The following PTPRM variants were observed in gnomAD, a reference collection of about 807,000 sequenced individuals.
PTPRM encodes the protein protein tyrosine phosphatase receptor type M.
A neutral mutation model predicts 186.7 loss-of-function variants in PTPRM; 47 were observed. The ratio of observed to expected loss-of-function variants is 0.25; its 90% CI spans 0.20 to 0.32. PTPRM has a LOEUF of 0.32. Among genes scored for constraint, PTPRM ranks in the 10% least tolerant of loss-of-function variants. PTPRM has a pLI of 1.00. For synonymous variants in PTPRM, 668 were observed against 674.9 expected (o/e 0.99, Z 0.16); for missense variants, 1,494 against 1,865.0 (o/e 0.80, Z 3.66).
At chr18:8,143,396 T>C (rs1177927261) in intron 13 of PTPRM, among the ~76,000 whole-genome samples, 1 of 151,524 alleles carries the variant, frequency 6.6e-6, no homozygotes, top group East Asian at 1.9e-4. Flanking sequence ...TTGAGAAGAG[T>C]CTCATAGAAA....
At chr18:8,194,372 C>T (rs887224216) in intron 14 of PTPRM, among the ~76,000 whole-genome samples, 2 of 152,046 alleles carry the variant, frequency 1.3e-5, no homozygotes, top group African/African-American at 2.4e-5. Context: ...AAATCATGGC[C>T]GAGGTGTTCA....
intron 1 of PTPRM, among the ~76,000 whole-genome samples, chr18:7,699,025 G>A (rs566576123): frequency 3.3e-4 from 51 of 152,308 alleles, no homozygotes; most frequent in African/African-American, 1.2e-3. Flanking sequence ...GACGTGAGTG[G>A]CAGGCCAGGG....
chr18:7,693,014 G>A (rs1391682820), intron 1 of PTPRM, among the ~76,000 whole-genome samples: 1 of 152,188 alleles, frequency 6.6e-6, no homozygotes, highest in Non-Finnish European at 1.5e-5. Flanking sequence ...CAGGGGCACT[G>A]AATTTCACAT....
chr18:7,651,212 C>T (rs1012000905), intron 1 of PTPRM, among the ~76,000 whole-genome samples: 27 of 152,022 alleles, frequency 1.8e-4, no homozygotes, highest in Non-Finnish European at 3.4e-4. Flanking sequence ...TGTTAGCCAC[C>T]GCGCCTGACC....
At chr18:7,670,092 A>T (rs2039186109) in intron 1 of PTPRM, among the ~76,000 whole-genome samples, 1 of 152,212 alleles carries the variant, frequency 6.6e-6, no homozygotes, top group South Asian at 2.1e-4. Context: ...TTAAAAAAGT[A>T]AAGTTTAAAT....
At chr18:7,901,111 A>G (rs17474750) in intron 3 of PTPRM, among the ~76,000 whole-genome samples, 3,208 of 152,184 alleles carry the variant, frequency 0.021, 51 homozygotes, top group Middle Eastern at 0.044. Context: ...TATGATTCCC[A>G]CTGGGTTCTG....
intron 1 of PTPRM, among the ~76,000 whole-genome samples, chr18:7,645,881 A>G (rs746547847): frequency 6.6e-6 from 1 of 152,204 alleles, no homozygotes; most frequent in Non-Finnish European, 1.5e-5. Context: ...TTTGAGAGAC[A>G]GTAGCCAGGG....
intron 23 of PTPRM, among the ~76,000 whole-genome samples, chr18:8,358,249 G>GCA (rs144869213): frequency 0.084 from 12,421 of 147,196 alleles, 1,325 homozygotes; most frequent in African/African-American, 0.26. Context: ...CACATGACAC[G>GCA]CACACACACA....
At chr18:7,732,189 A>T (rs568889125) in intron 1 of PTPRM, among the ~76,000 whole-genome samples, 1 of 152,146 alleles carries the variant, frequency 6.6e-6, no homozygotes, top group Admixed American at 6.5e-5. Context: ...TAATGTGGCA[A>T]TGAAGGTTCA....
chr18:8,362,854 G>GA (rs898085094), intron 23 of PTPRM, among the ~76,000 whole-genome samples: 4 of 152,198 alleles, frequency 2.6e-5, no homozygotes, highest in African/African-American at 4.8e-5. Flanking sequence ...TTACAGATGG[G>GA]AAAATGGAGC....
At chr18:7,966,640 C>T (rs929825673) in intron 7 of PTPRM, among the ~76,000 whole-genome samples, 6 of 148,482 alleles carry the variant, frequency 4.0e-5, no homozygotes, top group African/African-American at 9.8e-5. Context: ...ATTGCCTCAC[C>T]TGGGAAGCGC....
Position 7,824,445 on chromosome 18 carries a change from G to T in PTPRM, c.196+50174G>T, listed in dbSNP as rs547501366. On this transcript the variant is annotated intron_variant, in intron 2 of 32. Transcript: ENST00000580170. ...GATTTTCCTGTGTGTGTGTGTGTGT[G>T]TTTTTTCCTCAGTAGCATTTTCTTT... 4.5e-4 allele frequency among the ~76,000 whole-genome samples: 69 copies of T among 151,992 alleles called. 1 individual carries two copies. The highest frequency in any genetic ancestry group is 3.4e-3 in the Middle Eastern group (1 of 294).
chr18:7,569,549 A>G (rs1258914800), intron 1 of PTPRM, among the ~76,000 whole-genome samples: 1 of 152,166 alleles, frequency 6.6e-6, no homozygotes, highest in Non-Finnish European at 1.5e-5. Flanking sequence ...AGCCCTAGTG[A>G]TGGTTTTCTC....
chr18:7,658,330 T>TATA (rs2038899119), intron 1 of PTPRM, among the ~76,000 whole-genome samples: 1 of 124,440 alleles, frequency 8.0e-6, no homozygotes, highest in Non-Finnish European at 1.7e-5. Context: ...TAAAGTAAAT[T>TATA]TATATATATA....
intron 14 of PTPRM, among the ~76,000 whole-genome samples, chr18:8,194,123 A>T (rs1296323658): frequency 3.9e-5 from 6 of 152,140 alleles, no homozygotes; most frequent in African/African-American, 1.4e-4. Context: ...TTTCCCCCTT[A>T]TTTTATGTGT....
At position 7,590,848 on chromosome 18, in the gene PTPRM, T is replaced by C. The variant is rs567788969; in HGVS notation, c.73+22957T>C. 3.9e-5 allele frequency among the ~76,000 whole-genome samples: 6 copies of C among 152,380 alleles called. No homozygotes were observed. In the East Asian group the frequency reaches 1.2e-3, roughly 29 times the overall value. On this transcript the variant is annotated intron_variant, in intron 1 of 32. Transcript: ENST00000580170. Reference sequence around the variant, plus strand: ...TAATTATAGATAGTGGATTTATTGGTATTTTACTTTCAGTTTTTCTGGATC... The same window carrying C: ...TAATTATAGATAGTGGATTTATTGGCATTTTACTTTCAGTTTTTCTGGATC...
intron 2 of PTPRM, among the ~76,000 whole-genome samples, chr18:7,819,694 C>T (rs2045075359): frequency 6.6e-6 from 1 of 152,224 alleles, no homozygotes; most frequent in Non-Finnish European, 1.5e-5. Flanking sequence ...ATGGAGCTGA[C>T]TAACACAAGC....
intron 7 of PTPRM, among the ~76,000 whole-genome samples, chr18:8,059,224 T>C (rs1167631355): frequency 7.1e-6 from 1 of 140,434 alleles, no homozygotes; most frequent in Non-Finnish European, 1.5e-5. Context: ...CAATTGTGAA[T>C]GGGAGTTCAC....
chr18:8,273,323 CTG>C (rs1326011398), intron 19 of PTPRM, among the ~76,000 whole-genome samples: 1 of 152,144 alleles, frequency 6.6e-6, no homozygotes, highest in Non-Finnish European at 1.5e-5. Context: ...GAGTGAATAT[CTG>C]TAATTTACTT....
Sources: allele counts gnomAD v4.1 joint callset (sites outside exome capture counted in the v4.1 genomes callset), GRCh38; gene constraint gnomAD v4.1.1; transcripts MANE v1.5; gene names NCBI Gene and HGNC (gene_info 2026-07-23, HGNC 2026-07-21).